IGSF5: variants seen among roughly 807,000 people sequenced by gnomAD.
IGSF5 encodes the protein immunoglobulin superfamily 5 like.
Under a neutral mutation model 39.4 loss-of-function variants are expected in IGSF5, and 41 were observed. The ratio of observed to expected loss-of-function variants is 1.04; its 90% CI spans 0.81 to 1.35. IGSF5 has a LOEUF of 1.35. Ranked by LOEUF, IGSF5 falls within the 40% of genes most tolerant of loss-of-function variation. The pLI is 0.00. For synonymous variants in IGSF5, 183 were observed against 175.3 expected (o/e 1.04, Z -0.34); for missense variants, 487 against 494.6 (o/e 0.98, Z 0.15).
At chr21:39,788,765 C>T (rs2086941288) in intron 6 of IGSF5, among the ~76,000 whole-genome samples, 1 of 152,200 alleles carries the variant, frequency 6.6e-6, no homozygotes, top group African/African-American at 2.4e-5. Flanking sequence ...AATAAGTAGC[C>T]AGTAACCCTT....
intron 2 of IGSF5, among the ~76,000 whole-genome samples, chr21:39,758,067 A>G (rs544168435): frequency 2.7e-4 from 41 of 152,242 alleles, no homozygotes; most frequent in Admixed American, 6.5e-4. Context: ...GCCAGGAAGA[A>G]CATATGGAGG....
chr21:39,748,108 A>G (rs1732096317), intron 2 of IGSF5, among the ~76,000 whole-genome samples: 1 of 152,106 alleles, frequency 6.6e-6, no homozygotes, highest in African/African-American at 2.4e-5. Context: ...CTACAACAGA[A>G]TACTAGAAGC....
At chr21:39,756,909 T>C (rs2837164) in intron 2 of IGSF5, among the ~76,000 whole-genome samples, 123,949 of 151,718 alleles carry the variant, frequency 0.82, 50,810 homozygotes, top group Admixed American at 0.86. Context: ...GCAGAATCCT[T>C]ATGTGCTGTC....
intron 8 of IGSF5, among the ~76,000 whole-genome samples, chr21:39,794,303 T>G (rs1365609014): frequency 2.0e-5 from 3 of 152,196 alleles, no homozygotes; most frequent in Non-Finnish European, 4.4e-5. Flanking sequence ...TTGTAGATTC[T>G]GAAGGTCTCT....
intron 2 of IGSF5, among the ~76,000 whole-genome samples, chr21:39,749,339 A>C (rs984108080): frequency 6.6e-6 from 1 of 151,826 alleles, no homozygotes; most frequent in Non-Finnish European, 1.5e-5. Context: ...CAGCCTCCCG[A>C]GTAGCTGGAA....
At chr21:39,738,066 C>A in the IGSF5 span, among the ~76,000 whole-genome samples, 4 of 152,268 alleles carry the variant, frequency 2.6e-5, no homozygotes, top group African/African-American at 9.6e-5. The surrounding 1 kb of genome is among the most constrained non-coding windows in gnomAD (Gnocchi z 6.4). Flanking sequence ...ATATCTATTT[C>A]TATCTATATA....
upstream of IGSF5, among the ~76,000 whole-genome samples, chr21:39,741,773 C>T (rs958857772): frequency 1.3e-5 from 2 of 152,084 alleles, no homozygotes; most frequent in Non-Finnish European, 2.9e-5. Context: ...AAAAGGCATC[C>T]TTAAGATCCA....
chr21:39,728,751 T>G, the IGSF5 span, among the ~76,000 whole-genome samples: 1 of 152,322 alleles, frequency 6.6e-6, no homozygotes, highest in Non-Finnish European at 1.5e-5. Context: ...AGACTTTAGT[T>G]TTTGAATGAA....
At chr21:39,776,844 T>G (rs1484340565) in intron 4 of IGSF5, among the ~76,000 whole-genome samples, 1 of 152,222 alleles carries the variant, frequency 6.6e-6, no homozygotes, top group African/African-American at 2.4e-5. Context: ...TCTTAAATCT[T>G]GAGCCAGACC....
At chr21:39,716,100 G>A in the IGSF5 span, among the ~76,000 whole-genome samples, 2 of 152,166 alleles carry the variant, frequency 1.3e-5, no homozygotes, top group Non-Finnish European at 2.9e-5. Context: ...CAGGAGGGTC[G>A]TGCACTAGAG....
intron 6 of IGSF5, chr21:39,791,673 C>G: frequency 4.6e-6 from 1 of 215,902 alleles, no homozygotes; most frequent in Non-Finnish European, 9.2e-6. Context: ...ACTTTATTTA[C>G]AAAAACAAGG....
chr21:39,762,594 A>G (rs1217035345), intron 2 of IGSF5, among the ~76,000 whole-genome samples: 6 of 152,180 alleles, frequency 3.9e-5, no homozygotes, highest in Non-Finnish European at 5.9e-5. Flanking sequence ...AGGAAAAAGT[A>G]AGGAAAAGGA....
chr21:39,797,630 C>T (rs920953190), intron 8 of IGSF5, among the ~76,000 whole-genome samples: 28 of 152,176 alleles, frequency 1.8e-4, no homozygotes, highest in African/African-American at 6.8e-4. Flanking sequence ...GATCCTCCTG[C>T]CTCAGCCTTC....
intron 8 of IGSF5, among the ~76,000 whole-genome samples, chr21:39,795,618 C>T (rs1193609138): frequency 2.0e-5 from 3 of 151,424 alleles, no homozygotes; most frequent in African/African-American, 7.3e-5. Context: ...TTTTGGAGCT[C>T]GGAGTGGATG....
chr21:39,716,576 C>T, the IGSF5 span, among the ~76,000 whole-genome samples: 3 of 152,134 alleles, frequency 2.0e-5, no homozygotes, highest in African/African-American at 7.2e-5. Flanking sequence ...TTAGCTCCCG[C>T]TTGTAAGTGA....
At chr21:39,771,470 A>G (rs1297068939) in intron 4 of IGSF5, among the ~76,000 whole-genome samples, 1 of 152,168 alleles carries the variant, frequency 6.6e-6, no homozygotes, top group Non-Finnish European at 1.5e-5. Context: ...ATTATTTATC[A>G]TCAAAGAGCA....
At chr21:39,740,120 T>A in the IGSF5 span, among the ~76,000 whole-genome samples, 1 of 152,212 alleles carries the variant, frequency 6.6e-6, no homozygotes. Flanking sequence ...GAGAAAACTA[T>A]GTCCTCGTGA....
At chr21:39,795,274 T>A (rs2086989077) in intron 8 of IGSF5, among the ~76,000 whole-genome samples, 1 of 152,094 alleles carries the variant, frequency 6.6e-6, no homozygotes, top group Admixed American at 6.5e-5. Flanking sequence ...AGGACCAGTC[T>A]CTGAGTGAAA....
At chr21:39,776,633 T>C (rs2837212) in intron 4 of IGSF5, among the ~76,000 whole-genome samples, 118,769 of 151,716 alleles carry the variant, frequency 0.78, 46,615 homozygotes, top group Admixed American at 0.83. Flanking sequence ...ACATGCATTC[T>C]CTGAAAATAA....
Sources: gnomAD v4.1 joint callset for allele counts (sites outside exome capture counted in the v4.1 genomes callset) on GRCh38, gnomAD v4.1.1 for gene constraint, Gnocchi (gnomAD v3.1) non-coding constraint, MANE v1.5 for transcripts, NCBI Gene and HGNC (gene_info 2026-07-23, HGNC 2026-07-21) for gene names.